Variants in ADGRL2 observed in about 807,000 individuals in gnomAD.
The protein encoded by ADGRL2 is calcium-independent alpha-latrotoxin receptor 2.
A neutral mutation model predicts 157.4 loss-of-function variants in ADGRL2; 44 were observed. The ratio of observed to expected loss-of-function variants is 0.28; its 90% CI spans 0.22 to 0.36. The LOEUF is 0.36. Among genes scored for constraint, ADGRL2 ranks in the 10% least tolerant of loss-of-function variants. The pLI, the probability that ADGRL2 is intolerant of heterozygous loss-of-function variation, is 1.00. For synonymous variants in ADGRL2, 585 were observed against 624.7 expected (o/e 0.94, Z 0.95); for missense variants, 1,510 against 1,768.9 (o/e 0.85, Z 2.63).
At chr1:81,905,947 AGTGTGTGTGTGTGTGTGT>A (rs3046460) in intron 2 of ADGRL2, among the ~76,000 whole-genome samples, 16 of 144,582 alleles carry the variant, frequency 1.1e-4, no homozygotes, top group Middle Eastern at 7.0e-3. Context: ...AAAAAAGCAG[AGTGTGTGTGTGTGTGTGT>A]GTGTGTGTGT....
chr1:81,946,226 T>C (rs752359287), intron 6 of ADGRL2, among the ~76,000 whole-genome samples: 1 of 152,176 alleles, frequency 6.6e-6, no homozygotes, highest in Non-Finnish European at 1.5e-5. Flanking sequence ...ATTATCTATG[T>C]CATTTTTCAT....
At chr1:81,523,875 A>G (rs2148186941) in intron 2 of ADGRL2, among the ~76,000 whole-genome samples, 1 of 152,010 alleles carries the variant, frequency 6.6e-6, no homozygotes, top group African/African-American at 2.4e-5. Flanking sequence ...CAGCCCAGCG[A>G]AGATAGTGAA....
chr1:81,633,550 C>T (rs1056354533), intron 3 of ADGRL2, among the ~76,000 whole-genome samples: 6 of 130,678 alleles, frequency 4.6e-5, no homozygotes, highest in African/African-American at 1.7e-4. Flanking sequence ...GAGCCTAGAT[C>T]ACATCACTGC....
intron 2 of ADGRL2, among the ~76,000 whole-genome samples, chr1:81,520,360 TC>T (rs1456692524): frequency 6.6e-6 from 1 of 151,962 alleles, no homozygotes; most frequent in East Asian, 1.9e-4. Flanking sequence ...AAAAACACCA[TC>T]CCCGCCCCTC....
intron 1 of ADGRL2, among the ~76,000 whole-genome samples, chr1:81,406,754 G>A (rs1296836843): frequency 1.3e-5 from 2 of 152,084 alleles, no homozygotes; most frequent in African/African-American, 4.8e-5. Flanking sequence ...CACAGACTTT[G>A]GGGAAAGCAC....
intron 2 of ADGRL2, among the ~76,000 whole-genome samples, chr1:81,873,143 C>CT (rs1482685152): frequency 3.3e-5 from 5 of 152,050 alleles, no homozygotes; most frequent in African/African-American, 1.2e-4. Context: ...TATAGACCAC[C>CT]TGCTGTTAAC....
At chr1:81,357,715 G>C (rs568621639) in intron 1 of ADGRL2, among the ~76,000 whole-genome samples, 2 of 152,180 alleles carry the variant, frequency 1.3e-5, no homozygotes, top group Admixed American at 6.5e-5. Flanking sequence ...GGCAGGCTTG[G>C]GGGTAGAAGG....
At chr1:81,843,119 G>T (rs12130699) in intron 2 of ADGRL2, among the ~76,000 whole-genome samples, 11,818 of 152,096 alleles carry the variant, frequency 0.078, 529 homozygotes, top group South Asian at 0.15. Flanking sequence ...CTAAAGCAAT[G>T]AATTTTTTAA....
At chr1:81,747,285 A>G (rs955289022) in intron 1 of ADGRL2, among the ~76,000 whole-genome samples, 12 of 148,550 alleles carry the variant, frequency 8.1e-5, no homozygotes, top group Middle Eastern at 3.6e-3. Flanking sequence ...ATACATGTGC[A>G]TACATGTGTA....
intron 1 of ADGRL2, among the ~76,000 whole-genome samples, chr1:81,422,357 G>T (rs1203512105): frequency 3.3e-5 from 5 of 152,114 alleles, no homozygotes; most frequent in African/African-American, 1.2e-4. Context: ...CGATTCTCCT[G>T]CCTTAGCCTC....
chr1:81,473,922 C>G (rs1320242668), intron 2 of ADGRL2, among the ~76,000 whole-genome samples: 1 of 152,168 alleles, frequency 6.6e-6, no homozygotes, highest in African/African-American at 2.4e-5. Flanking sequence ...GGCTCTTTTC[C>G]TTGGTATGTG....
chr1:81,798,208 T>C (rs1368832637), upstream of ADGRL2, among the ~76,000 whole-genome samples: 1 of 151,992 alleles, frequency 6.6e-6, no homozygotes, highest in Non-Finnish European at 1.5e-5. Context: ...TGTCAGAGAG[T>C]GCCAGGTAAA....
chr1:81,635,638 C>G (rs541184084), intron 3 of ADGRL2, among the ~76,000 whole-genome samples: 7 of 152,298 alleles, frequency 4.6e-5, no homozygotes, highest in African/African-American at 1.7e-4. Flanking sequence ...TAAGAGCTCT[C>G]TCTTGAGCTC....
At chr1:81,982,868 A>G (rs947762782) in intron 19 of ADGRL2, among the ~76,000 whole-genome samples, 3 of 152,134 alleles carry the variant, frequency 2.0e-5, no homozygotes, top group Non-Finnish European at 4.4e-5. Flanking sequence ...TTTGGATAAA[A>G]TACCATTTTG....
chr1:81,516,602 A>G (rs2079183524), intron 2 of ADGRL2, among the ~76,000 whole-genome samples: 1 of 152,224 alleles, frequency 6.6e-6, no homozygotes, highest in Admixed American at 6.5e-5. Context: ...TGTTTTCAAT[A>G]ATCATGAAAA....
chr1:81,778,383 CATAA>C (rs1422634246), intron 2 of ADGRL2, among the ~76,000 whole-genome samples: 1 of 151,598 alleles, frequency 6.6e-6, no homozygotes, highest in African/African-American at 2.4e-5. Flanking sequence ...TTCACAAGGA[CATAA>C]ATAAAGTCCT....
chr1:81,696,538 G>A (rs2083447221), upstream of ADGRL2, among the ~76,000 whole-genome samples: 1 of 151,986 alleles, frequency 6.6e-6, no homozygotes, highest in Non-Finnish European at 1.5e-5. Flanking sequence ...GGATCACAAG[G>A]TCAGGAGATA....
chr1:81,876,651 T>C (rs72717787), intron 2 of ADGRL2, among the ~76,000 whole-genome samples: 1,942 of 152,252 alleles, frequency 0.013, 15 homozygotes, highest in Non-Finnish European at 0.022. Flanking sequence ...TTTCTGAAGC[T>C]AATAATCCAA....
At chr1:81,407,888 G>C (rs970794002) in intron 1 of ADGRL2, among the ~76,000 whole-genome samples, 8 of 152,174 alleles carry the variant, frequency 5.3e-5, no homozygotes. Flanking sequence ...AAAAGGTAGA[G>C]TTGCCAAGAT....
Sources: gnomAD v4.1 joint callset for allele counts (sites outside exome capture counted in the v4.1 genomes callset) on GRCh38, gnomAD v4.1.1 for gene constraint, MANE v1.5 for transcripts, NCBI Gene and HGNC (gene_info 2026-07-23, HGNC 2026-07-21) for gene names.